Variants in UBN2 observed in about 807,000 individuals in gnomAD.
UBN2 encodes ubinuclein-2.
In UBN2, 35 loss-of-function variants were observed where a neutral mutation model predicts 120.2. That is an observed-to-expected ratio of 0.29 (90% CI 0.22 to 0.39). The LOEUF (loss-of-function observed/expected upper bound fraction) is 0.39. Ranked by LOEUF, UBN2 falls within the 10% of genes least tolerant of loss-of-function variation. The probability of loss-of-function intolerance (pLI) is 1.00; values close to 1 mark genes in which losing one functional copy is unlikely to be tolerated. For synonymous variants in UBN2, 661 were observed against 648.7 expected (o/e 1.02, Z -0.29); for missense variants, 1,693 against 1,663.2 (o/e 1.02, Z -0.31).
chr7:139,297,301 G>A (rs925260917), intron 17 of UBN2, among the ~76,000 whole-genome samples: 7 of 151,542 alleles, frequency 4.6e-5, no homozygotes, highest in African/African-American at 1.7e-4. Context: ...TTTCACTACA[G>A]ATGAAAAGTT....
intron 10 of UBN2, 26 bp downstream of exon 10, chr7:139,273,436 T>A (rs1797347991): frequency 6.9e-7 from 1 of 1,442,786 alleles, no homozygotes. Context: ...TTTTCACTTT[T>A]AATATATAAT....
intron 2 of UBN2, among the ~76,000 whole-genome samples, chr7:139,241,153 GTATAGACTTGT>G (rs957139713): frequency 6.6e-6 from 1 of 152,154 alleles, no homozygotes; most frequent in African/African-American, 2.4e-5. Context: ...AATTTGATGG[GTATAGACTTGT>G]TATCTTAGCC....
chr7:139,261,516 T>C lies in UBN2; in HGVS notation c.1170T>C (p.His390=), dbSNP rs772964991. The change falls in exon 6 of 18, where the codon CAT becomes CAC. Residue 390 remains histidine (H), a synonymous_variant. Transcript: ENST00000473989. ...CCATTTTTGTTAGCACAAATGAACA[T>C]GAGCTGTTTCAGGAAGCTGAAAATG... is the stretch of plus-strand genomic sequence containing the variant. The part of the protein sequence containing the change: ...DLPIFVSTNE[H]ELFQEAENAL... 5 of 1,614,078 alleles carry C rather than the reference T, an allele frequency of 3.1e-6. No homozygotes were observed. Among genetic ancestry groups the C allele is most frequent in the Non-Finnish European group, 3.4e-6 (4 of 1,180,044 alleles).
chr7:139,275,946 T>C, intron 11 of UBN2, 151 bp from the exon 12 acceptor site: 1 of 636,942 alleles, frequency 1.6e-6, no homozygotes, highest in Non-Finnish European at 2.7e-6. Flanking sequence ...CTCCATAAAA[T>C]AGATTATTGA....
At chr7:139,313,504 A>G in the UBN2 span, among the ~76,000 whole-genome samples, 1 of 152,190 alleles carries the variant, frequency 6.6e-6, no homozygotes, top group African/African-American at 2.4e-5. Context: ...TAGCTTTTCA[A>G]TGGAAGTGAT....
At chr7:139,267,007 CAG>C (rs1314121420) in intron 7 of UBN2, among the ~76,000 whole-genome samples, 1 of 152,108 alleles carries the variant, frequency 6.6e-6, no homozygotes, top group East Asian at 1.9e-4. Context: ...ATTTTGCACT[CAG>C]AGTTTGATAC....
intron 2 of UBN2, among the ~76,000 whole-genome samples, chr7:139,244,375 T>A (rs887600619): frequency 2.9e-4 from 44 of 152,064 alleles, no homozygotes; most frequent in African/African-American, 5.8e-4. Context: ...TATAAAAAAA[T>A]TTTTTTAAGA....
At chr7:139,250,876 G>A (rs143529510) in intron 2 of UBN2, among the ~76,000 whole-genome samples, 270 of 152,298 alleles carry the variant, frequency 1.8e-3, no homozygotes, top group African/African-American at 6.3e-3. Flanking sequence ...GGAGGCTGAG[G>A]CAGCAGGATT....
Position 139,284,170 on chromosome 7 carries a change from C to T in UBN2, c.3265C>T (p.Pro1089Ser), listed in dbSNP as rs777767330. Reference protein sequence around the residue: ...SNPTPKPTVSPSSSSPNALVA... With the variant: ...SNPTPKPTVSSSSSSPNALVA... ...CCCAACTCCCAAGCCTACTGTATCC[C>T]CAAGTAGTTCCAGTCCAAATGCACT... is the stretch of plus-strand genomic sequence containing the variant. Residue 1089 changes from proline (P) to serine (S), a missense_variant, in exon 15 of 18, where the codon CCA (proline) becomes TCA (serine). Around this residue, in one of 5 missense-constraint regions of UBN2, gnomAD observed 837 missense variants for 817.6 expected, o/e 1.02. Transcript: ENST00000473989. 5.0e-6 allele frequency: 8 copies of T among 1,614,168 alleles called. No homozygotes were observed. Among genetic ancestry groups the T allele is most frequent in the Non-Finnish European group, 6.8e-6 (8 of 1,180,032 alleles).
intron 3 of UBN2, among the ~76,000 whole-genome samples, chr7:139,257,715 C>T (rs1796803575): frequency 6.6e-6 from 1 of 152,082 alleles, no homozygotes; most frequent in African/African-American, 2.4e-5. Flanking sequence ...CATGCCCGGC[C>T]TAAATTAAAT....
At chr7:139,309,282 G>C (rs188790791), downstream of UBN2, among the ~76,000 whole-genome samples, 4 of 152,248 alleles carry the variant, frequency 2.6e-5, no homozygotes, top group Middle Eastern at 3.4e-3. Flanking sequence ...TTCCTTTTAA[G>C]TGTATTTTCA....
intron 3 of UBN2, among the ~76,000 whole-genome samples, chr7:139,253,431 C>A (rs192665682): frequency 6.6e-6 from 1 of 152,280 alleles, no homozygotes; most frequent in African/African-American, 2.4e-5. Context: ...AGGTGTGTTT[C>A]AAAATGACTT....
At chr7:139,285,828 C>T (rs568502814) in intron 15 of UBN2, among the ~76,000 whole-genome samples, 8 of 152,076 alleles carry the variant, frequency 5.3e-5, no homozygotes, top group South Asian at 4.1e-4. Flanking sequence ...CTGCAACCTC[C>T]GCTTCTCGGG....
intron 15 of UBN2, among the ~76,000 whole-genome samples, chr7:139,292,422 A>G (rs535232238): frequency 1.3e-5 from 2 of 152,334 alleles, no homozygotes; most frequent in Non-Finnish European, 2.9e-5. Flanking sequence ...CATGGCATCA[A>G]AGCCCAGGTA....
chr7:139,280,475 C>T (rs1440118120), intron 13 of UBN2, among the ~76,000 whole-genome samples: 1 of 152,096 alleles, frequency 6.6e-6, no homozygotes, highest in Non-Finnish European at 1.5e-5. Context: ...TTACACTTTG[C>T]TCCATAGCCT....
chr7:139,252,732 T>C (rs1024521793), intron 3 of UBN2, among the ~76,000 whole-genome samples: 3 of 152,054 alleles, frequency 2.0e-5, no homozygotes, highest in African/African-American at 7.2e-5. Context: ...AGTCTAATTA[T>C]AGCGTTGACT....
chr7:139,297,067 G>A (rs1331542470), intron 17 of UBN2, among the ~76,000 whole-genome samples: 1 of 151,926 alleles, frequency 6.6e-6, no homozygotes, highest in Admixed American at 6.6e-5. Flanking sequence ...GGTGGTGTGC[G>A]CCTGTAATCC....
chr7:139,267,726 G>A (rs1002903981), intron 7 of UBN2, among the ~76,000 whole-genome samples: 1 of 152,166 alleles, frequency 6.6e-6, no homozygotes, highest in South Asian at 2.1e-4. Context: ...TTATTTTGGA[G>A]TGCTTAAAAA....
At chr7:139,330,221 T>G in the UBN2 span, among the ~76,000 whole-genome samples, 1 of 152,362 alleles carries the variant, frequency 6.6e-6, no homozygotes, top group Non-Finnish European at 1.5e-5. Flanking sequence ...TAATGCAAGT[T>G]TGGGGTATCT....
Sources: allele counts gnomAD v4.1 joint callset (sites outside exome capture counted in the v4.1 genomes callset), GRCh38; gene constraint gnomAD v4.1.1; regional missense constraint gnomAD v4.1.1; transcripts MANE v1.5; gene names NCBI Gene and HGNC (gene_info 2026-07-23, HGNC 2026-07-21).